SLC14A2: variants seen among roughly 807,000 people sequenced by gnomAD.
The protein encoded by SLC14A2 is urea transporter 2.
A neutral mutation model predicts 104.6 loss-of-function variants in SLC14A2; 91 were observed. The observed-to-expected ratio is 0.87, with a 90% CI of 0.73 to 1.04. The LOEUF is 1.04. Among genes scored for constraint, SLC14A2 ranks in the 50% least tolerant of loss-of-function variants. The pLI is 0.00. For synonymous variants in SLC14A2, 476 were observed against 466.4 expected, an observed-to-expected ratio of 1.02 and a Z score of -0.27; for missense variants, 1,189 against 1,156.0, an observed-to-expected ratio of 1.03 and a Z score of -0.41.
At chr18:45,371,952 T>A (rs994034052) in intron 1 of SLC14A2, among the ~76,000 whole-genome samples, 8 of 152,214 alleles carry the variant, frequency 5.3e-5, no homozygotes, top group African/African-American at 1.9e-4. Flanking sequence ...GGGATAGTAT[T>A]ACCTACTTAG....
intron 1 of SLC14A2, among the ~76,000 whole-genome samples, chr18:45,348,020 A>C (rs2085466521): frequency 6.6e-6 from 1 of 152,236 alleles, no homozygotes; most frequent in Non-Finnish European, 1.5e-5. Flanking sequence ...GGTGGACAGC[A>C]CATGGTAAGC....
intron 2 of SLC14A2, among the ~76,000 whole-genome samples, chr18:45,496,197 C>T (rs1287458577): frequency 3.9e-5 from 6 of 152,176 alleles, no homozygotes; most frequent in Admixed American, 3.9e-4. Flanking sequence ...GCTCACAACC[C>T]TCCTATGAAA....
At chr18:45,476,638 T>A (rs1056779185) in intron 1 of SLC14A2, among the ~76,000 whole-genome samples, 3 of 152,088 alleles carry the variant, frequency 2.0e-5, no homozygotes, top group African/African-American at 4.8e-5. Flanking sequence ...AGGTTTGGTC[T>A]TTTCACATAG....
At chr18:45,485,895 C>T (rs2087595352) in intron 2 of SLC14A2, among the ~76,000 whole-genome samples, 1 of 152,120 alleles carries the variant, frequency 6.6e-6, no homozygotes, top group African/African-American at 2.4e-5. Context: ...GGAGACCAGC[C>T]CCCGGCCCCA....
chr18:45,295,216 A>G (rs2084907409), intron 1 of SLC14A2, among the ~76,000 whole-genome samples: 1 of 152,148 alleles, frequency 6.6e-6, no homozygotes, highest in South Asian at 2.1e-4. Flanking sequence ...ATATAGACCA[A>G]TGATGGGTTA....
chr18:45,414,726 G>A (rs561836982), intron 1 of SLC14A2, among the ~76,000 whole-genome samples: 50 of 125,642 alleles, frequency 4.0e-4, no homozygotes, highest in African/African-American at 1.4e-3. Flanking sequence ...TGCCAGGTGC[G>A]GTGCAAGGCA....
chr18:45,555,433 A>G (rs546705670), intron 2 of SLC14A2, among the ~76,000 whole-genome samples: 1 of 152,214 alleles, frequency 6.6e-6, no homozygotes, highest in African/African-American at 2.4e-5. Context: ...TGGTACATTG[A>G]AAATATCATA....
intron 1 of SLC14A2, among the ~76,000 whole-genome samples, chr18:45,420,098 C>T (rs965065262): frequency 2.6e-5 from 4 of 152,322 alleles, no homozygotes; most frequent in African/African-American, 9.6e-5. Context: ...TCAGCTATGG[C>T]TGTCATCTGA....
At chr18:45,257,992 G>T (rs1180568358) in intron 1 of SLC14A2, among the ~76,000 whole-genome samples, 1 of 152,136 alleles carries the variant, frequency 6.6e-6, no homozygotes, top group African/African-American at 2.4e-5. Flanking sequence ...AACAACTACA[G>T]TAGTCACAAC....
chr18:45,265,758 A>C (rs1310262403), intron 1 of SLC14A2, among the ~76,000 whole-genome samples: 1 of 152,220 alleles, frequency 6.6e-6, no homozygotes, highest in Non-Finnish European at 1.5e-5. Context: ...TTTGGGAAAG[A>C]AGTGGAGACA....
At chr18:45,590,807 T>A (rs1309639176) in intron 2 of SLC14A2, among the ~76,000 whole-genome samples, 2 of 152,250 alleles carry the variant, frequency 1.3e-5, no homozygotes, top group African/African-American at 4.8e-5. Flanking sequence ...GCTTACAGTG[T>A]GCTAAGGCAC....
intron 1 of SLC14A2, among the ~76,000 whole-genome samples, chr18:45,240,530 T>G (rs536428040): frequency 6.6e-6 from 1 of 152,162 alleles, no homozygotes; most frequent in African/African-American, 2.4e-5. Flanking sequence ...CTTTTAGATC[T>G]TCTATGTTCT....
At chr18:45,609,407 C>G (rs1273089641) in intron 2 of SLC14A2, among the ~76,000 whole-genome samples, 2 of 152,178 alleles carry the variant, frequency 1.3e-5, no homozygotes, top group African/African-American at 4.8e-5. Context: ...ATGTCCCTTT[C>G]CACTCCAGGT....
intron 1 of SLC14A2, among the ~76,000 whole-genome samples, chr18:45,283,049 C>T (rs2084778862): frequency 6.6e-6 from 1 of 152,230 alleles, no homozygotes; most frequent in South Asian, 2.1e-4. Flanking sequence ...CCTGCCTCAT[C>T]CTTTTCCCTC....
chr18:45,674,100 A>T (rs926861514), intron 18 of SLC14A2, among the ~76,000 whole-genome samples: 3 of 152,172 alleles, frequency 2.0e-5, no homozygotes, highest in Admixed American at 6.5e-5. Context: ...TACGTCTTCT[A>T]CAGCGATTCA....
chr18:45,635,786 A>C (rs758551041), intron 5 of SLC14A2, among the ~76,000 whole-genome samples: 6 of 152,226 alleles, frequency 3.9e-5, no homozygotes, highest in Non-Finnish European at 7.3e-5. Flanking sequence ...GAATGATCCA[A>C]AGAAAAAGAA....
chr18:45,476,011 A>G (rs969788058), intron 1 of SLC14A2, among the ~76,000 whole-genome samples: 4 of 152,100 alleles, frequency 2.6e-5, no homozygotes, highest in Non-Finnish European at 4.4e-5. Flanking sequence ...TGTGAATTTG[A>G]TCCTGTCATT....
chr18:45,366,647 C>T (rs190468304), intron 1 of SLC14A2, among the ~76,000 whole-genome samples: 1 of 152,344 alleles, frequency 6.6e-6, no homozygotes, highest in Non-Finnish European at 1.5e-5. Flanking sequence ...CAGCTACAGC[C>T]TTCTGCCTAG....
chr18:45,544,786 CTTTTTTTTTTTT>C (rs71373715), intron 2 of SLC14A2, among the ~76,000 whole-genome samples: 1 of 88,868 alleles, frequency 1.1e-5, no homozygotes, highest in Non-Finnish European at 2.2e-5. Flanking sequence ...TCAATAATGT[CTTTTTTTTTTTT>C]TTTTTTTTTT....
Sources: gnomAD v4.1 joint callset for allele counts (sites outside exome capture counted in the v4.1 genomes callset) on GRCh38, gnomAD v4.1.1 for gene constraint, MANE v1.5 for transcripts, NCBI Gene and HGNC (gene_info 2026-07-23, HGNC 2026-07-21) for gene names.